CTTNBP2: variants seen among roughly 807,000 people sequenced by gnomAD.
The protein encoded by CTTNBP2 is cortactin binding protein 2, also known as cortactin-binding protein 2.
Under a neutral mutation model 156.9 loss-of-function variants are expected in CTTNBP2, and 108 were observed. The observed-to-expected ratio is 0.69, with a 90% CI of 0.59 to 0.81. CTTNBP2 has a LOEUF of 0.81. CTTNBP2 is among the 30% of genes least tolerant of loss of function. The probability of loss-of-function intolerance (pLI) is 0.00; values close to 1 mark genes in which losing one functional copy is unlikely to be tolerated. For synonymous variants in CTTNBP2, 767 were observed against 751.8 expected, an observed-to-expected ratio of 1.02 and a Z score of -0.33; for missense variants, 1,924 against 2,035.4, an observed-to-expected ratio of 0.95 and a Z score of 1.05.
At chr7:117,799,081 T>C (rs1309062564) in intron 3 of CTTNBP2, among the ~76,000 whole-genome samples, 2 of 151,778 alleles carry the variant, frequency 1.3e-5, no homozygotes, top group African/African-American at 2.4e-5. Flanking sequence ...TATAAGGCTG[T>C]ACTGATGTTC....
At chr7:117,730,235 C>A (rs1795329301) in intron 16 of CTTNBP2, among the ~76,000 whole-genome samples, 1 of 152,120 alleles carries the variant, frequency 6.6e-6, no homozygotes. Context: ...TCTTCCTTGA[C>A]ATAACAAATT....
At chr7:117,799,658 A>G (rs1799508806) in intron 3 of CTTNBP2, among the ~76,000 whole-genome samples, 1 of 152,078 alleles carries the variant, frequency 6.6e-6, no homozygotes, top group East Asian at 1.9e-4. Flanking sequence ...CAATAATTCC[A>G]GGGCAGTGGT....
chr7:117,748,604 C>A (rs1346698795), intron 12 of CTTNBP2, among the ~76,000 whole-genome samples: 1 of 152,170 alleles, frequency 6.6e-6, no homozygotes, highest in Non-Finnish European at 1.5e-5. Flanking sequence ...CAACTTTATG[C>A]CATTGCATTT....
At chr7:117,749,094 A>G (rs1012857971) in intron 12 of CTTNBP2, among the ~76,000 whole-genome samples, 3 of 152,254 alleles carry the variant, frequency 2.0e-5, no homozygotes, top group African/African-American at 4.8e-5. Flanking sequence ...ATTTTGTTTC[A>G]GCAGCCTGAA....
Position 117,792,361 on chromosome 7 carries a change from G to C in CTTNBP2, c.835C>G (p.Leu279Val). 6.2e-7 allele frequency: 1 copy of C among 1,614,182 alleles called. No individual in the cohort carries two copies. Among genetic ancestry groups the C allele is most frequent in the South Asian group, 1.1e-5 (1 of 91,078 alleles). The part of the protein sequence containing the change: ...LKRGSDSKPS[L>V]SLPRKTKDRR... ...TCTTTTGTCTTCCGTGGAAGAGAGA[G>C]GCTTGGTTTGCTGTCACTTCCCCTT... Residue 279 changes from leucine (L) to valine (V), a missense_variant, in exon 4 of 23, where the codon CTC (leucine) becomes GTC (valine). Transcript: ENST00000160373. This position sits in a 1 kb window ranked among gnomAD's most constrained non-coding sequence, Gnocchi z 4.2.
intron 12 of CTTNBP2, among the ~76,000 whole-genome samples, chr7:117,748,646 A>C (rs2116578210): frequency 6.6e-6 from 1 of 152,190 alleles, no homozygotes; most frequent in Admixed American, 6.5e-5. Context: ...TACCTCATCC[A>C]TCTCCTTTCT....
At chr7:117,781,244 A>G (rs1219429147) in intron 6 of CTTNBP2, among the ~76,000 whole-genome samples, 1 of 152,270 alleles carries the variant, frequency 6.6e-6, no homozygotes, top group Non-Finnish European at 1.5e-5. Flanking sequence ...CTAGCTAAAC[A>G]TGTAGAGCTT....
intron 12 of CTTNBP2, 79 bp downstream of exon 12, chr7:117,756,476 T>C: frequency 9.0e-7 from 1 of 1,105,506 alleles, no homozygotes; most frequent in Admixed American, 1.7e-5. Context: ...ACTCCTCCTT[T>C]AAACATAAAA....
chr7:117,829,051 T>C (rs1461756507), intron 2 of CTTNBP2, among the ~76,000 whole-genome samples: 4 of 152,236 alleles, frequency 2.6e-5, no homozygotes, highest in Admixed American at 6.5e-5. Flanking sequence ...AATCTATTCT[T>C]GTAGGAATCT....
chr7:117,751,714 T>C (rs2116596282), intron 12 of CTTNBP2, among the ~76,000 whole-genome samples: 1 of 152,342 alleles, frequency 6.6e-6, no homozygotes, highest in African/African-American at 2.4e-5. Flanking sequence ...ACTGGGTTAC[T>C]AACTTCAAAT....
chr7:117,872,855 T>C (rs1011139470), intron 1 of CTTNBP2, among the ~76,000 whole-genome samples: 8 of 152,028 alleles, frequency 5.3e-5, no homozygotes, highest in African/African-American at 1.7e-4. Context: ...CCACACCTGC[T>C]GGGCGATGGC....
intron 1 of CTTNBP2, among the ~76,000 whole-genome samples, chr7:117,861,877 T>TA (rs546022338): frequency 6.6e-6 from 1 of 151,854 alleles, no homozygotes; most frequent in East Asian, 1.9e-4. Flanking sequence ...TAGCCAACAT[T>TA]AAAAAAAATC....
chr7:117,795,813 T>C (rs1003236500), intron 3 of CTTNBP2, among the ~76,000 whole-genome samples: 9 of 152,242 alleles, frequency 5.9e-5, no homozygotes, highest in Non-Finnish European at 1.3e-4. Context: ...AATACATGTC[T>C]TAATAAAAGT....
intron 12 of CTTNBP2, among the ~76,000 whole-genome samples, chr7:117,746,698 G>A (rs1419994963): frequency 6.6e-6 from 1 of 152,052 alleles, no homozygotes; most frequent in East Asian, 1.9e-4. Flanking sequence ...TAATGTCTTT[G>A]TGTTGACTTC....
intron 2 of CTTNBP2, among the ~76,000 whole-genome samples, chr7:117,860,374 G>A (rs1338027993): frequency 6.7e-6 from 1 of 149,912 alleles, no homozygotes; most frequent in Non-Finnish European, 1.5e-5. Flanking sequence ...ATGGAGTCTT[G>A]CTCTGTCGCC....
chr7:117,807,120 A>G (rs1799996711), intron 3 of CTTNBP2, among the ~76,000 whole-genome samples: 1 of 152,140 alleles, frequency 6.6e-6, no homozygotes, highest in Non-Finnish European at 1.5e-5. Flanking sequence ...ACTCAGAGCC[A>G]CAGATCTCAA....
At chr7:117,758,082 T>C (rs540422984) in intron 10 of CTTNBP2, 112 bp from the exon 11 acceptor site, 26 of 734,372 alleles carry the variant, frequency 3.5e-5, no homozygotes, top group East Asian at 2.4e-4. Flanking sequence ...AGAGCTTTAA[T>C]TGTCAAAGGC....
intron 20 of CTTNBP2, 37 bp downstream of exon 20, chr7:117,721,028 CTT>C (rs1562950461): frequency 2.4e-6 from 3 of 1,243,634 alleles, no homozygotes; most frequent in Non-Finnish European, 3.6e-6. Context: ...CTTGATTTAT[CTT>C]TGTTTGCTGT....
intron 8 of CTTNBP2, among the ~76,000 whole-genome samples, chr7:117,774,733 G>A (rs182975910): frequency 3.3e-5 from 5 of 150,422 alleles, no homozygotes; most frequent in African/African-American, 2.4e-5. Context: ...AAATTCCACA[G>A]TTCTCTACTG....
Sources: allele counts gnomAD v4.1 joint callset (sites outside exome capture counted in the v4.1 genomes callset), GRCh38; gene constraint gnomAD v4.1.1; non-coding constraint Gnocchi (gnomAD v3.1); transcripts MANE v1.5; gene names NCBI Gene and HGNC (gene_info 2026-07-23, HGNC 2026-07-21).